KCNQ2: variants seen among roughly 807,000 people sequenced by gnomAD.
The protein encoded by KCNQ2 is potassium voltage-gated channel subfamily Q member 2, also known as potassium voltage-gated channel subfamily KQT member 2.
In KCNQ2, 14 loss-of-function variants were observed where a neutral mutation model predicts 84.8. The observed-to-expected ratio is 0.17, with a 90% CI of 0.11 to 0.26. The LOEUF (loss-of-function observed/expected upper bound fraction) is 0.26, where lower values mean the gene tolerates loss of function less well. Ranked by LOEUF, KCNQ2 falls within the 10% of genes least tolerant of loss-of-function variation. The probability of loss-of-function intolerance (pLI) is 1.00; values close to 1 mark genes in which losing one functional copy is unlikely to be tolerated. For missense variants in KCNQ2, 788 were observed against 1,254.0 expected (o/e 0.63, Z 5.61); for synonymous variants, 599 against 554.1 (o/e 1.08, Z -1.14).
At chr20:63,447,751 C>A (rs1162652619) in intron 1 of KCNQ2, among the ~76,000 whole-genome samples, 1 of 152,102 alleles carries the variant, frequency 6.6e-6, no homozygotes. Context: ...TGTGCCACCA[C>A]ACCAGGCTAA....
At chr20:63,472,035 G>A in intron 1 of KCNQ2, 133 bp downstream of exon 1, 1 of 618,120 alleles carries the variant, frequency 1.6e-6, no homozygotes, top group Non-Finnish European at 2.6e-6. Context: ...TCCCGCCGGG[G>A]AGCGCCGGCC....
rs896204606 is a variant in KCNQ2, at chr20:63,438,006, C to T, written c.1023+619G>A. On this transcript the variant is annotated intron_variant, in intron 7 of 16. Transcript: ENST00000359125. This position sits in a 1 kb window ranked among gnomAD's most constrained non-coding sequence, Gnocchi z 5.1. ...TGTATTTTTAGGAGAGACAGGGTTT[C>T]ACCATGTTGGCCAGGCTGGTCTTGA... Among the ~76,000 whole-genome samples the T allele has an allele frequency of 2.0e-5, 3 of 152,202 alleles. No homozygotes were observed. Among genetic ancestry groups the T allele is most frequent in the East Asian group, 1.9e-4 (1 of 5,196 alleles).
intron 1 of KCNQ2, among the ~76,000 whole-genome samples, chr20:63,453,999 A>C (rs2081697213): frequency 6.6e-6 from 1 of 152,196 alleles, no homozygotes; most frequent in African/African-American, 2.4e-5. Context: ...CCCAGGTCCC[A>C]AATGTTCAGG....
chr20:63,410,016 C>T (rs1331565845), intron 15 of KCNQ2: 6 of 281,208 alleles, frequency 2.1e-5, no homozygotes, highest in Non-Finnish European at 2.8e-5. Context: ...CTTTCTGTTG[C>T]GAGAAACAGA....
At chr20:63,412,600 C>T (rs997867315) in intron 15 of KCNQ2, among the ~76,000 whole-genome samples, 36 of 152,186 alleles carry the variant, frequency 2.4e-4, no homozygotes. Flanking sequence ...GTGGGGCTCT[C>T]GACTTCCTCA....
At chr20:63,423,539 A>G (rs1359513553) in intron 11 of KCNQ2, 1 of 152,396 alleles carries the variant, frequency 6.6e-6, no homozygotes, top group African/African-American at 2.4e-5. Flanking sequence ...TCCTGTCTCC[A>G]ATCTGCCCGA....
intron 15 of KCNQ2, 119 bp downstream of exon 15, chr20:63,413,331 G>A (rs1477757268): frequency 8.5e-7 from 1 of 1,176,752 alleles, no homozygotes; most frequent in East Asian, 2.5e-5. Flanking sequence ...GGCCGACGTG[G>A]GTGGGGAGGA....
rs1568842195 is a variant in KCNQ2, at chr20:63,401,004, G to A, written c.*5640C>T. 2 of 396,956 alleles carry A rather than the reference G, an allele frequency of 5.0e-6. No homozygotes were observed. Among genetic ancestry groups the A allele is most frequent in the African/African-American group, 4.1e-5 (2 of 48,592 alleles). 24.6% of individuals were successfully genotyped at this position (396,956 alleles called of 1,614,324 possible). On this transcript the variant is annotated 3_prime_UTR_variant, in exon 17 of 17. Transcript: ENST00000359125. ...AGTTGGCGTGTGGCGATGGCGATGTGCACGTGCCTGCCTGGTAGCCCCGGG... is the reference window on the plus strand; with the variant it reads ...AGTTGGCGTGTGGCGATGGCGATGTACACGTGCCTGCCTGGTAGCCCCGGG...
chr20:63,415,992 G>A (rs547385591), intron 12 of KCNQ2, among the ~76,000 whole-genome samples: 11 of 152,294 alleles, frequency 7.2e-5, no homozygotes, highest in East Asian at 5.8e-4. Flanking sequence ...CACCCACCCC[G>A]GGGGCCTGCC....
Position 63,446,147 on chromosome 20 carries a change from G to A in KCNQ2, c.387+600C>T. On this transcript the variant is annotated intron_variant, in intron 2 of 16. Transcript: ENST00000359125. This position sits in a 1 kb window ranked among gnomAD's most constrained non-coding sequence, Gnocchi z 5.5. ...CTTGAGTTGGGGGGTGCACAGCAGG[G>A]CTGAGCTGAGGGAAGGCCCCAGGTA... 1 of 283,456 alleles carries A rather than the reference G, an allele frequency of 3.5e-6. No homozygotes were observed. Among genetic ancestry groups the A allele is most frequent in the Non-Finnish European group, 6.8e-6 (1 of 146,674 alleles). 17.6% of individuals were successfully genotyped at this position (283,456 alleles called of 1,614,324 possible).
intron 1 of KCNQ2, among the ~76,000 whole-genome samples, chr20:63,470,642 C>A (rs1346186242): frequency 1.3e-5 from 2 of 152,176 alleles, no homozygotes; most frequent in African/African-American, 4.8e-5. Context: ...CAGAGCGGGG[C>A]GCTGGCCAGG....
intron 7 of KCNQ2, among the ~76,000 whole-genome samples, chr20:63,436,257 C>T (rs562785891): frequency 2.6e-5 from 4 of 152,178 alleles, no homozygotes; most frequent in South Asian, 2.1e-4. Context: ...CACAGCCGGG[C>T]GCAGTGGCTC....
chr20:63,444,516 T>G (rs2081353286), intron 4 of KCNQ2, 143 bp downstream of exon 4: 1 of 549,298 alleles, frequency 1.8e-6, no homozygotes, highest in African/African-American at 2.0e-5. Context: ...TCACACCTGA[T>G]GGGCTCCAGC....
chr20:63,440,944 C>A (rs928302119), intron 5 of KCNQ2, among the ~76,000 whole-genome samples: 2 of 151,116 alleles, frequency 1.3e-5, no homozygotes, highest in East Asian at 4.0e-4. Flanking sequence ...AATTTCGTTA[C>A]CAAAGGAGGC....
At chr20:63,442,812 C>CCAT (rs2081231153) in intron 4 of KCNQ2, among the ~76,000 whole-genome samples, 9 of 80,744 alleles carry the variant, frequency 1.1e-4, no homozygotes, top group Non-Finnish European at 2.4e-4. Flanking sequence ...ACCATTACCA[C>CCAT]CACCATCACC....
intron 11 of KCNQ2, among the ~76,000 whole-genome samples, chr20:63,421,275 G>A (rs1176627777): frequency 6.6e-6 from 1 of 151,140 alleles, no homozygotes; most frequent in African/African-American, 2.4e-5. Flanking sequence ...TCGCCACCAG[G>A]CACCTGAGAC....
chr20:63,418,925 C>T (rs1328050433), intron 12 of KCNQ2, among the ~76,000 whole-genome samples: 19 of 152,232 alleles, frequency 1.2e-4, no homozygotes, highest in Non-Finnish European at 2.4e-4. Context: ...GAGAGCCCCA[C>T]AGGAGCACGA....
intron 1 of KCNQ2, among the ~76,000 whole-genome samples, chr20:63,454,307 AAGTGCAGGCAAC>A (rs2081707558): frequency 6.6e-6 from 1 of 152,182 alleles, no homozygotes; most frequent in South Asian, 2.1e-4. Context: ...CCCACCCGGA[AAGTGCAGGCAAC>A]AGCTCCGACT....
At position 63,438,462 on chromosome 20, in the gene KCNQ2, C is replaced by A; in HGVS notation, c.1023+163G>T. The A allele has an allele frequency of 1.4e-6, 1 of 693,552 alleles. No individual in the cohort carries two copies. Among genetic ancestry groups the A allele is most frequent in the Non-Finnish European group, 2.6e-6 (1 of 386,730 alleles). 43.0% of individuals were successfully genotyped at this position (693,552 alleles called of 1,614,324 possible). A position where few individuals can be genotyped will look rare whatever the true frequency, so the allele number is the denominator to read the frequency against. On this transcript the variant is annotated intron_variant, in intron 7 of 16. Transcript: ENST00000359125. The surrounding 1 kb of genome is among the most constrained non-coding windows in gnomAD (Gnocchi z 5.1). The stretch of plus-strand genomic sequence containing the variant: ...CAGGGGTTGGAGCCATTTCTCAACA[C>A]ACACACTTCACATCCTCGCTCCTTC...
Sources: gnomAD v4.1 joint callset for allele counts (sites outside exome capture counted in the v4.1 genomes callset) on GRCh38, gnomAD v4.1.1 for gene constraint, Gnocchi (gnomAD v3.1) non-coding constraint, MANE v1.5 for transcripts, NCBI Gene and HGNC (gene_info 2026-07-23, HGNC 2026-07-21) for gene names.